The following ELK4 variants were observed in gnomAD, a reference collection of about 807,000 sequenced individuals.
ELK4 encodes ETS domain-containing protein Elk-4.
ELK4 carries 16 observed loss-of-function variants against 29.6 expected under a neutral mutation model. That is an observed-to-expected ratio of 0.54 (90% CI 0.37 to 0.82). ELK4 has a LOEUF of 0.82. Ranked by LOEUF, ELK4 falls within the 40% of genes least tolerant of loss-of-function variation. ELK4 has a pLI of 0.00. For missense variants in ELK4, 465 were observed against 507.1 expected (o/e 0.92, Z 0.80); for synonymous variants, 213 against 191.1 (o/e 1.11, Z -0.95).
chr1:205,627,999 C>T (rs1571507801), intron 1 of ELK4, among the ~76,000 whole-genome samples: 1 of 152,304 alleles, frequency 6.6e-6, no homozygotes, highest in Non-Finnish European at 1.5e-5. Flanking sequence ...GTACTCTGTC[C>T]ATTAGGGAAA....
chr1:205,619,085 A>G lies in ELK4; in HGVS notation c.1081-12T>C. ...AGTATGATGGGTGTCTGCAATACAC[A>G]AAGCAAAAATATTCACTGACTGACT... On this transcript the variant is annotated splice_polypyrimidine_tract_variant and intron_variant, in intron 3 of 4. Transcript: ENST00000357992. 1 of 1,516,088 alleles carries G rather than the reference A, an allele frequency of 6.6e-7. No homozygotes were observed. The highest frequency in any genetic ancestry group is 8.9e-7 in the Non-Finnish European group (1 of 1,128,512). 93.9% of individuals were successfully genotyped at this position (1,516,088 alleles called of 1,614,324 possible). A position where few individuals can be genotyped will look rare whatever the true frequency, so the allele number is the denominator to read the frequency against.
rs1217297904 is a variant in ELK4 at position 205,611,256 on chromosome 1, C to A, written c.*5290G>T. The A allele has an allele frequency of 4.8e-6, 1 of 209,610 alleles. No individual in the cohort carries two copies. Among genetic ancestry groups the A allele is most frequent in the African/African-American group, 2.3e-5 (1 of 44,094 alleles). 13.0% of individuals were successfully genotyped at this position (209,610 alleles called of 1,614,324 possible). Reference sequence around the variant, plus strand: ...AATGAAACAATTATACTACCATTAACGATTCACCTTTCAGATTTGCTCGGC... The same window carrying A: ...AATGAAACAATTATACTACCATTAAAGATTCACCTTTCAGATTTGCTCGGC... On this transcript the variant is annotated 3_prime_UTR_variant, in exon 5 of 5. Transcript: ENST00000357992.
intron 1 of ELK4, among the ~76,000 whole-genome samples, chr1:205,630,647 A>G (rs182888727): frequency 4.5e-3 from 680 of 152,356 alleles, no homozygotes; most frequent in Non-Finnish European, 7.7e-3. Flanking sequence ...CAGTTCTTAC[A>G]ATATTCTTAC....
Position 205,616,372 on chromosome 1 carries a change from C to G in ELK4, c.*174G>C. On this transcript the variant is annotated 3_prime_UTR_variant, in exon 5 of 5. Transcript: ENST00000357992. ...TTAAGGCATTTTTATACATATAGTC[C>G]AACTTGAGTCCTATTCAAAGAGAAT... 1 of 543,808 alleles carries G rather than the reference C, an allele frequency of 1.8e-6. No individual in the cohort carries two copies. Among genetic ancestry groups the G allele is most frequent in the Non-Finnish European group, 3.3e-6 (1 of 305,064 alleles). The allele number at this position is 543,808 out of a possible 1,614,324, so 33.7% of individuals were successfully genotyped here.
At chr1:205,621,255 T>C (rs1670342380) in intron 2 of ELK4, among the ~76,000 whole-genome samples, 1 of 143,678 alleles carries the variant, frequency 7.0e-6, no homozygotes, top group Admixed American at 6.9e-5. Context: ...ATTTTAGAAG[T>C]AGACATCACT....
intron 1 of ELK4, among the ~76,000 whole-genome samples, chr1:205,629,631 C>A (rs1035426551): frequency 2.0e-5 from 3 of 151,986 alleles, no homozygotes; most frequent in Admixed American, 2.0e-4. Context: ...GCAGAAGAAT[C>A]ATTTGAACCC....
rs1670136135 is a variant in ELK4, at chr1:205,610,539, T to A, written c.*6007A>T. On this transcript the variant is annotated 3_prime_UTR_variant, in exon 5 of 5. Transcript: ENST00000357992. Reference sequence around the variant, plus strand: ...AGAAAGGACATCCTTATTTGCTCAATAATACATGAACCTAAGAGAACAGTT... The same window carrying A: ...AGAAAGGACATCCTTATTTGCTCAAAAATACATGAACCTAAGAGAACAGTT... 1 of 229,602 alleles carries A rather than the reference T, an allele frequency of 4.4e-6. No homozygotes were observed. The highest frequency in any genetic ancestry group is 2.2e-5 in the African/African-American group (1 of 45,198). 14.2% of individuals were successfully genotyped at this position (229,602 alleles called of 1,614,324 possible).
At chr1:205,623,157 CA>C (rs547986684) in intron 2 of ELK4, among the ~76,000 whole-genome samples, 27,044 of 76,818 alleles carry the variant, frequency 0.35, 2,834 homozygotes, top group East Asian at 0.56. Flanking sequence ...GACTCCGTCT[CA>C]AAAAAAAAAA....
Position 205,623,667 on chromosome 1 carries a change from G to C in ELK4, c.207+9C>G, listed in dbSNP as rs1670397052. The stretch of plus-strand genomic sequence containing the variant: ...TCTCTGTATAGTATAAGATCAGGAT[G>C]TGTACTACCTTTACATAATAGTATC... On this transcript the variant is annotated intron_variant, in intron 2 of 4. Coordinates refer to ENST00000357992, the MANE Select transcript of ELK4 (RefSeq NM_001973.4). The C allele has an allele frequency of 2.5e-6, 4 of 1,613,402 alleles. No individual in the cohort carries two copies. Among genetic ancestry groups the C allele is most frequent in the Non-Finnish European group, 3.4e-6 (4 of 1,179,660 alleles).
chr1:205,626,784 C>G (rs942259506), intron 1 of ELK4, among the ~76,000 whole-genome samples: 2 of 152,116 alleles, frequency 1.3e-5, no homozygotes, highest in Non-Finnish European at 2.9e-5. Context: ...CATGACTCAA[C>G]AATTCTACTC....
chr1:205,630,665 C>G, intron 1 of ELK4, among the ~76,000 whole-genome samples: 1 of 152,290 alleles, frequency 6.6e-6, no homozygotes, highest in Non-Finnish European at 1.5e-5. Context: ...TACAATAAAA[C>G]TTAAAGACAC....
At chr1:205,621,552 C>T (rs1038873992) in intron 2 of ELK4, among the ~76,000 whole-genome samples, 4 of 152,136 alleles carry the variant, frequency 2.6e-5, no homozygotes, top group Admixed American at 6.5e-5. Flanking sequence ...TGGAGTCTCA[C>T]TCTGTCACCC....
rs761916022 is a variant in ELK4 at position 205,623,672 on chromosome 1, C to A, written c.207+4G>T. The A allele has an allele frequency of 6.2e-7, 1 of 1,613,778 alleles. No homozygotes were observed. Among genetic ancestry groups the A allele is most frequent in the African/African-American group, 1.3e-5 (1 of 74,908 alleles). On this transcript the variant is annotated splice_donor_region_variant and intron_variant, in intron 2 of 4. Transcript: ENST00000357992. ...GTATAGTATAAGATCAGGATGTGTA[C>A]TACCTTTACATAATAGTATCTGAGG...
chr1:205,630,916 T>C (rs1398197226), intron 1 of ELK4, among the ~76,000 whole-genome samples: 3 of 152,198 alleles, frequency 2.0e-5, no homozygotes, highest in African/African-American at 7.2e-5. Context: ...TGATGAGGCA[T>C]AGAACTCCAG....
chr1:205,628,240 T>C (rs528745379), intron 1 of ELK4, among the ~76,000 whole-genome samples: 2 of 152,352 alleles, frequency 1.3e-5, no homozygotes, highest in East Asian at 1.9e-4. Context: ...GTTATGTCTC[T>C]TGAGTTTACC....
At position 205,620,311 on chromosome 1, in the gene ELK4, T is replaced by C; in HGVS notation, c.735A>G (p.Val245=). Residue 245 remains valine (V), a synonymous_variant, in exon 3 of 5, where the codon GTA becomes GTG. Coordinates refer to ENST00000357992, the MANE Select transcript of ELK4 (RefSeq NM_001973.4). ...GTGGTGTGGTGGCAAAAGCAGTCAT[T>C]ACGTTAGAGGCAGAGGTTGGGGCTT... ...SLEAPTSASN[V]MTAFATTPPI... is the part of the protein sequence containing the mutation. 1 of 1,614,150 alleles carries C rather than the reference T, an allele frequency of 6.2e-7. No individual in the cohort carries two copies. The highest frequency in any genetic ancestry group is 1.1e-5 in the South Asian group (1 of 91,070).
intron 4 of ELK4, among the ~76,000 whole-genome samples, chr1:205,617,034 C>T (rs907967125): frequency 6.6e-6 from 1 of 151,992 alleles, no homozygotes; most frequent in African/African-American, 2.4e-5. Context: ...AAAAGAGATC[C>T]AGAAAGGTAT....
chr1:205,630,446 A>G (rs1457322785), intron 1 of ELK4, among the ~76,000 whole-genome samples: 3 of 152,262 alleles, frequency 2.0e-5, no homozygotes, highest in Non-Finnish European at 4.4e-5. Context: ...TTTCAGAGAC[A>G]GTAGCTAAGA....
rs1473534357 is a variant in ELK4 at position 205,620,556 on chromosome 1, T to C, written c.490A>G (p.Lys164Glu). The C allele has an allele frequency of 3.1e-6, 5 of 1,614,098 alleles. No homozygotes were observed. Among genetic ancestry groups the C allele is most frequent in the Non-Finnish European group, 4.2e-6 (5 of 1,180,042 alleles). ...SLNSSNVKLF[K>E]LIKTENPAEK... Reference sequence around the variant, plus strand: ...GCTGGATTCTCAGTCTTTATCAATTTGAAAAGCTTTACATTGGAGGAGTTC... The same window carrying C: ...GCTGGATTCTCAGTCTTTATCAATTCGAAAAGCTTTACATTGGAGGAGTTC... Residue 164 changes from lysine (K) to glutamate (E), a missense_variant, in exon 3 of 5, where the codon AAA becomes GAA. Physicochemically the swap from Lys to Glu is moderately conservative, Grantham distance 56. Coordinates refer to ENST00000357992, the MANE Select transcript of ELK4 (RefSeq NM_001973.4).
Sources: gnomAD v4.1 joint callset for allele counts (sites outside exome capture counted in the v4.1 genomes callset) on GRCh38, gnomAD v4.1.1 for gene constraint, MANE v1.5 for transcripts, NCBI Gene and HGNC (gene_info 2026-07-23, HGNC 2026-07-21) for gene names.